The following FGF14 variants were observed in gnomAD, a reference collection of about 807,000 sequenced individuals.
The protein encoded by FGF14 is fibroblast growth factor 14.
FGF14 carries 5 observed loss-of-function variants against 25.5 expected under a neutral mutation model. That is an observed-to-expected ratio of 0.20 (90% CI 0.10 to 0.41). The LOEUF (loss-of-function observed/expected upper bound fraction) is 0.41, where lower values mean the gene tolerates loss of function less well. Among genes scored for constraint, FGF14 ranks in the 10% least tolerant of loss-of-function variants. The pLI is 1.00. For synonymous variants in FGF14, 138 were observed against 118.3 expected (o/e 1.17, Z -1.08); for missense variants, 222 against 320.1 (o/e 0.69, Z 2.34).
At chr13:102,301,360 G>A (rs2055043373) in intron 1 of FGF14, among the ~76,000 whole-genome samples, 17 of 152,126 alleles carry the variant, frequency 1.1e-4, no homozygotes. Context: ...GATGTATAAT[G>A]ACTAAGAAAA....
intron 1 of FGF14, among the ~76,000 whole-genome samples, chr13:102,005,033 C>A (rs1192354212): frequency 6.6e-6 from 1 of 152,172 alleles, no homozygotes; most frequent in African/African-American, 2.4e-5. Flanking sequence ...AACACACAGG[C>A]ATTTATGTGG....
At chr13:101,857,377 G>A (rs1444698911) in intron 3 of FGF14, among the ~76,000 whole-genome samples, 1 of 151,932 alleles carries the variant, frequency 6.6e-6, no homozygotes, top group Non-Finnish European at 1.5e-5. Flanking sequence ...TTTTGTATGG[G>A]CTGGGACATG....
At chr13:102,382,016 T>C (rs2058194709) in intron 1 of FGF14, among the ~76,000 whole-genome samples, 2 of 152,260 alleles carry the variant, frequency 1.3e-5, no homozygotes. Flanking sequence ...CACAGACCTA[T>C]ATAAGGGCTA....
chr13:102,065,571 G>C (rs1379445708), intron 1 of FGF14, among the ~76,000 whole-genome samples: 1 of 151,950 alleles, frequency 6.6e-6, no homozygotes, highest in Admixed American at 6.6e-5. Flanking sequence ...CCTCATATAA[G>C]CATACATATA....
At chr13:102,059,155 T>C (rs2042566301) in intron 1 of FGF14, among the ~76,000 whole-genome samples, 1 of 152,004 alleles carries the variant, frequency 6.6e-6, no homozygotes, top group Non-Finnish European at 1.5e-5. Flanking sequence ...TTGAATGAGA[T>C]TGAAGAAGGA....
At chr13:102,066,116 G>C (rs1396185813) in intron 1 of FGF14, among the ~76,000 whole-genome samples, 2 of 151,906 alleles carry the variant, frequency 1.3e-5, no homozygotes, top group Non-Finnish European at 2.9e-5. Context: ...ATAACATTTG[G>C]CTTAAAATAT....
At chr13:101,864,814 G>C (rs1433659148) in intron 3 of FGF14, among the ~76,000 whole-genome samples, 2 of 152,054 alleles carry the variant, frequency 1.3e-5, no homozygotes, top group African/African-American at 4.8e-5. Context: ...ATAAATGCCA[G>C]CCTGTGATAA....
chr13:102,310,203 G>A (rs1422683956), intron 1 of FGF14, among the ~76,000 whole-genome samples: 2 of 152,194 alleles, frequency 1.3e-5, no homozygotes, highest in African/African-American at 4.8e-5. Flanking sequence ...CAGAAGGTGA[G>A]AAGAAGGAAA....
chr13:102,139,010 G>T (rs2046524527), intron 1 of FGF14, among the ~76,000 whole-genome samples: 1 of 152,132 alleles, frequency 6.6e-6, no homozygotes, highest in African/African-American at 2.4e-5. Flanking sequence ...GGTTTGTATT[G>T]CCTAATATGT....
At chr13:102,160,584 T>C (rs1462880708) in intron 1 of FGF14, among the ~76,000 whole-genome samples, 1 of 151,950 alleles carries the variant, frequency 6.6e-6, no homozygotes, top group Admixed American at 6.6e-5. Context: ...TTGGCAGATA[T>C]CGTATGCCTG....
intron 3 of FGF14, among the ~76,000 whole-genome samples, chr13:101,852,599 T>G (rs955881345): frequency 1.3e-5 from 2 of 152,050 alleles, no homozygotes; most frequent in Admixed American, 1.3e-4. Flanking sequence ...TTCTTTAAGT[T>G]TTATGACACT....
intron 1 of FGF14, among the ~76,000 whole-genome samples, chr13:102,072,905 T>A (rs1050694283): frequency 2.0e-5 from 3 of 152,200 alleles, no homozygotes; most frequent in African/African-American, 7.2e-5. Flanking sequence ...AGTGGTGATA[T>A]TTGTGGCAAA....
At chr13:101,729,159 TC>T (rs1431803622) in intron 3 of FGF14, among the ~76,000 whole-genome samples, 1 of 152,130 alleles carries the variant, frequency 6.6e-6, no homozygotes. Flanking sequence ...GATAGGTGAT[TC>T]TTTCTGTAGA....
chr13:101,785,750 A>G (rs2039785401), intron 3 of FGF14, among the ~76,000 whole-genome samples: 1 of 152,252 alleles, frequency 6.6e-6, no homozygotes, highest in East Asian at 1.9e-4. Flanking sequence ...TTCATAAATC[A>G]TTTTTGAGTC....
chr13:102,195,455 C>T (rs777265279), intron 1 of FGF14, among the ~76,000 whole-genome samples: 69 of 151,828 alleles, frequency 4.5e-4, no homozygotes, highest in Non-Finnish European at 7.9e-4. Context: ...TTATAATCCT[C>T]AGAGCAACCA....
intron 3 of FGF14, among the ~76,000 whole-genome samples, chr13:101,798,576 G>A (rs1407717318): frequency 1.3e-5 from 2 of 152,082 alleles, no homozygotes; most frequent in African/African-American, 4.8e-5. Context: ...CTTTTGGTGG[G>A]TGGGGTTGGG....
intron 1 of FGF14, among the ~76,000 whole-genome samples, chr13:102,054,503 T>C (rs1374306400): frequency 1.3e-5 from 2 of 151,946 alleles, no homozygotes; most frequent in South Asian, 2.1e-4. Context: ...TTAGAAAGAG[T>C]CCGTTTTCTT....
chr13:102,326,643 G>C (rs1339306476), intron 1 of FGF14, among the ~76,000 whole-genome samples: 1 of 127,270 alleles, frequency 7.9e-6, no homozygotes, highest in African/African-American at 3.2e-5. Context: ...GGGAGGGAAA[G>C]GGAGGAGAAG....
At chr13:101,879,527 T>G (rs1330876723) in intron 1 of FGF14, among the ~76,000 whole-genome samples, 1 of 152,198 alleles carries the variant, frequency 6.6e-6, no homozygotes, top group Non-Finnish European at 1.5e-5. Context: ...ATGGTTTTCA[T>G]GCAATGGGAA....
Sources: gnomAD v4.1 joint callset for allele counts (sites outside exome capture counted in the v4.1 genomes callset) on GRCh38, gnomAD v4.1.1 for gene constraint, MANE v1.5 for transcripts, NCBI Gene and HGNC (gene_info 2026-07-23, HGNC 2026-07-21) for gene names.